SAXO4: variants seen among roughly 807,000 people sequenced by gnomAD.
SAXO4 encodes the protein protein phosphatase 1 regulatory subunit 32.
At chr11:61,484,384 AG>A in the SAXO4 span, among the ~76,000 whole-genome samples, 2 of 152,152 alleles carry the variant, frequency 1.3e-5, no homozygotes, top group African/African-American at 4.8e-5. Flanking sequence ...CTGAGGGAGG[AG>A]TGGTCCAGGC....
At chr11:61,487,205 C>A in the SAXO4 span, 2 of 1,614,038 alleles carry the variant, frequency 1.2e-6, no homozygotes, top group Admixed American at 3.3e-5. Flanking sequence ...GTGATCCTGA[C>A]AGGGATCAGC....
At chr11:61,484,538 C>T in the SAXO4 span, 12 of 1,022,808 alleles carry the variant, frequency 1.2e-5, no homozygotes, top group African/African-American at 2.2e-4. Context: ...CTGCAGGGCT[C>T]TAAGCAGAGA....
the SAXO4 span, chr11:61,484,685 C>G: frequency 6.2e-7 from 1 of 1,613,416 alleles, no homozygotes; most frequent in Non-Finnish European, 8.5e-7. Context: ...TTCTTCCTCC[C>G]AGGTCCGGAA....
At chr11:61,490,161 C>T in the SAXO4 span, among the ~76,000 whole-genome samples, 2 of 152,142 alleles carry the variant, frequency 1.3e-5, no homozygotes, top group African/African-American at 4.8e-5. Flanking sequence ...CCTCCTCCCT[C>T]TCCTGCCCCT....
chr11:61,486,436 C>T, the SAXO4 span: 2 of 1,613,846 alleles, frequency 1.2e-6, no homozygotes, highest in Non-Finnish European at 1.7e-6. Flanking sequence ...TGGGGACCGC[C>T]TGGCGGGGAG....
chr11:61,487,534 A>G, the SAXO4 span, among the ~76,000 whole-genome samples: 1 of 152,208 alleles, frequency 6.6e-6, no homozygotes, highest in African/African-American at 2.4e-5. Context: ...ACAACTCAGA[A>G]CTACCCCAGT....
At chr11:61,484,766 C>A in the SAXO4 span, 1 of 1,612,230 alleles carries the variant, frequency 6.2e-7, no homozygotes, top group East Asian at 2.2e-5. Flanking sequence ...AGTGCCTCTG[C>A]TCCACCAGCA....
At chr11:61,490,293 C>G in the SAXO4 span, among the ~76,000 whole-genome samples, 8 of 152,202 alleles carry the variant, frequency 5.3e-5, no homozygotes, top group African/African-American at 1.9e-4. Context: ...CGGCCTCACT[C>G]AGCTCCTTTC....
the SAXO4 span, chr11:61,489,757 G>A: frequency 6.2e-7 from 1 of 1,613,392 alleles, no homozygotes; most frequent in Non-Finnish European, 8.5e-7. Context: ...CCAGCTTCCA[G>A]CCAAGGACCC....
At chr11:61,486,102 T>C in the SAXO4 span, among the ~76,000 whole-genome samples, 1 of 152,226 alleles carries the variant, frequency 6.6e-6, no homozygotes, top group Non-Finnish European at 1.5e-5. Flanking sequence ...TCCAAAGAGA[T>C]GAAGGAGGTG....
At chr11:61,487,239 G>C in the SAXO4 span, 1 of 1,613,538 alleles carries the variant, frequency 6.2e-7, no homozygotes, top group Non-Finnish European at 8.5e-7. Context: ...CTACAACCAA[G>C]GGTGAGGTCC....
At chr11:61,483,398 C>G in the SAXO4 span, among the ~76,000 whole-genome samples, 1 of 151,858 alleles carries the variant, frequency 6.6e-6, no homozygotes, top group Non-Finnish European at 1.5e-5. Flanking sequence ...AATCTCCTGA[C>G]CTCGTGATCT....
the SAXO4 span, chr11:61,487,088 C>T: frequency 6.2e-7 from 1 of 1,610,962 alleles, no homozygotes; most frequent in East Asian, 2.2e-5. Flanking sequence ...CTAGCCTCCA[C>T]CCCCAAATCC....
the SAXO4 span, chr11:61,485,415 G>A: frequency 6.2e-7 from 1 of 1,609,564 alleles, no homozygotes; most frequent in Non-Finnish European, 8.5e-7. Flanking sequence ...GGCCCTGTCT[G>A]AACTCACAGC....
At chr11:61,483,595 A>T in the SAXO4 span, among the ~76,000 whole-genome samples, 1 of 152,096 alleles carries the variant, frequency 6.6e-6, no homozygotes, top group Admixed American at 6.6e-5. Context: ...AGATGATAAG[A>T]GCGGGTGGAG....
chr11:61,482,654 G>T, the SAXO4 span: 1 of 1,613,976 alleles, frequency 6.2e-7, no homozygotes, highest in African/African-American at 1.3e-5. Context: ...CTCACCCTCA[G>T]GGAACAAGCC....
chr11:61,483,043 C>T, the SAXO4 span, among the ~76,000 whole-genome samples: 2 of 151,946 alleles, frequency 1.3e-5, no homozygotes, highest in Admixed American at 6.6e-5. Context: ...ATCCCCATCC[C>T]TGTCCCCATT....
At chr11:61,484,840 C>A in the SAXO4 span, 2 of 1,547,076 alleles carry the variant, frequency 1.3e-6, no homozygotes, top group Non-Finnish European at 1.7e-6. Context: ...CAGCTAAGGG[C>A]TTCGGGGTGG....
At chr11:61,483,312 A>G in the SAXO4 span, among the ~76,000 whole-genome samples, 6 of 151,890 alleles carry the variant, frequency 4.0e-5, no homozygotes, top group Admixed American at 2.0e-4. Context: ...GATTACAGGC[A>G]TGTGCCACCA....
Sources: allele counts gnomAD v4.1 joint callset (sites outside exome capture counted in the v4.1 genomes callset), GRCh38; gene constraint gnomAD v4.1.1; transcripts MANE v1.5; gene names NCBI Gene and HGNC (gene_info 2026-07-23, HGNC 2026-07-21).